TENM2: variants seen among roughly 807,000 people sequenced by gnomAD.
TENM2 encodes the protein teneurin-2.
TENM2 carries 52 observed loss-of-function variants against 245.2 expected under a neutral mutation model. The ratio of observed to expected loss-of-function variants is 0.21; its 90% CI spans 0.17 to 0.27. The LOEUF is 0.27. Among genes scored for constraint, TENM2 ranks in the 10% least tolerant of loss-of-function variants. TENM2 has a pLI of 1.00. For synonymous variants in TENM2, 1,363 were observed against 1,438.9 expected, an observed-to-expected ratio of 0.95 and a Z score of 1.19; for missense variants, 3,046 against 3,666.8, an observed-to-expected ratio of 0.83 and a Z score of 4.37.
intron 2 of TENM2, among the ~76,000 whole-genome samples, chr5:167,398,191 A>T (rs1056224360): frequency 3.3e-5 from 5 of 152,180 alleles, no homozygotes; most frequent in African/African-American, 1.2e-4. Flanking sequence ...TATAGTGCAG[A>T]AATTTTGGAG....
chr5:167,591,405 C>G (rs1013403593), intron 2 of TENM2, among the ~76,000 whole-genome samples: 4 of 152,158 alleles, frequency 2.6e-5, no homozygotes, highest in Non-Finnish European at 5.9e-5. Flanking sequence ...AATATATAAT[C>G]TATTACTCAA....
At chr5:167,950,220 G>A (rs556382051) in intron 3 of TENM2, among the ~76,000 whole-genome samples, 3 of 152,234 alleles carry the variant, frequency 2.0e-5, no homozygotes, top group African/African-American at 7.2e-5. Flanking sequence ...ACCCAGGTCG[G>A]TGCTTCTCTT....
intron 2 of TENM2, among the ~76,000 whole-genome samples, chr5:167,853,801 A>T (rs1382152127): frequency 6.6e-6 from 1 of 152,138 alleles, no homozygotes; most frequent in Admixed American, 6.6e-5. Flanking sequence ...TAAGTTTTAG[A>T]TTTTCCACTT....
chr5:167,370,210 C>T (rs892176968), intron 1 of TENM2, among the ~76,000 whole-genome samples: 12 of 151,626 alleles, frequency 7.9e-5, no homozygotes, highest in African/African-American at 2.4e-4. Context: ...GGTGTAGTGG[C>T]GGGTGCCTGT....
chr5:167,239,108 C>G, the TENM2 span, among the ~76,000 whole-genome samples: 1 of 152,194 alleles, frequency 6.6e-6, no homozygotes, highest in Admixed American at 6.5e-5. Flanking sequence ...CTTTAAAAAT[C>G]ACTACAGAAA....
chr5:167,003,900 A>G, the TENM2 span, among the ~76,000 whole-genome samples: 1 of 152,172 alleles, frequency 6.6e-6, no homozygotes, highest in African/African-American at 2.4e-5. Flanking sequence ...CTTCTTACTT[A>G]GAAAATATAC....
chr5:167,992,814 T>C (rs988130458), intron 4 of TENM2, 130 bp from the exon 7 acceptor site: 2 of 670,716 alleles, frequency 3.0e-6, no homozygotes, highest in South Asian at 1.9e-5. Context: ...TCGCCCCTTC[T>C]TCCACTCCAG....
At chr5:167,978,459 G>C (rs1782600411) in intron 4 of TENM2, among the ~76,000 whole-genome samples, 1 of 152,208 alleles carries the variant, frequency 6.6e-6, no homozygotes. Flanking sequence ...ATGAAGTGCT[G>C]ATACATGCTA....
At chr5:167,392,288 C>G (rs1018694968) in intron 2 of TENM2, among the ~76,000 whole-genome samples, 1 of 152,040 alleles carries the variant, frequency 6.6e-6, no homozygotes, top group Admixed American at 6.6e-5. Flanking sequence ...TTTGACTGGA[C>G]CGTAGGATGT....
In TENM2 at chr5:168,004,525, A is replaced by G. The variant is rs768263294; in HGVS notation, c.1186+11343A>G. On this transcript the variant is annotated intron_variant, in intron 5 of 28. Transcript: ENST00000518659. ...CACGCATGCGCGCGCGCGCACACACACACACACACACACACACACACACAC... is the reference window on the plus strand; with the variant it reads ...CACGCATGCGCGCGCGCGCACACACGCACACACACACACACACACACACAC... Among the ~76,000 whole-genome samples the G allele has an allele frequency of 4.3e-3, 574 of 134,242 alleles. 3 individuals carry two copies. Among genetic ancestry groups the G allele is most frequent in the Non-Finnish European group, 7.2e-3 (439 of 60,922 alleles). The allele number at this position is 134,242 out of a possible 152,430, so 88.1% of individuals were successfully genotyped here.
chr5:167,008,284 T>A, the TENM2 span, among the ~76,000 whole-genome samples: 25 of 152,334 alleles, frequency 1.6e-4, no homozygotes, highest in Admixed American at 1.1e-3. Flanking sequence ...TAGGGTAGAT[T>A]CTTTCTAACA....
chr5:167,387,101 A>T (rs1761477100), intron 2 of TENM2, among the ~76,000 whole-genome samples: 1 of 152,086 alleles, frequency 6.6e-6, no homozygotes, highest in African/African-American at 2.4e-5. Context: ...TTTCAGCAGT[A>T]TGGTCGTTTT....
At chr5:167,348,784 CAAAATG>C (rs929368607) in intron 1 of TENM2, among the ~76,000 whole-genome samples, 94 of 152,226 alleles carry the variant, frequency 6.2e-4, no homozygotes, top group African/African-American at 2.2e-3. Context: ...GCAATGGAGT[CAAAATG>C]AAAGTCATGC....
intron 28 of TENM2, among the ~76,000 whole-genome samples, 164 bp downstream of exon 30, chr5:168,260,577 G>C (rs575847415): frequency 4.4e-4 from 67 of 152,314 alleles, no homozygotes; most frequent in South Asian, 2.1e-4. Context: ...TGTCAGTGCT[G>C]TCGCCTGTCT....
At chr5:167,046,673 C>G in the TENM2 span, among the ~76,000 whole-genome samples, 1 of 151,898 alleles carries the variant, frequency 6.6e-6, no homozygotes, top group Non-Finnish European at 1.5e-5. Flanking sequence ...TTTTCTCTGT[C>G]CTTTCATTTC....
chr5:167,565,965 C>A (rs1297111237), intron 2 of TENM2, among the ~76,000 whole-genome samples: 1 of 151,930 alleles, frequency 6.6e-6, no homozygotes, highest in Admixed American at 6.6e-5. Context: ...TGTTTAAGCC[C>A]CTTATTATAG....
chr5:167,082,805 T>C, the TENM2 span, among the ~76,000 whole-genome samples: 2 of 152,174 alleles, frequency 1.3e-5, no homozygotes, highest in Middle Eastern at 3.2e-3. Flanking sequence ...TTACAATTAC[T>C]TTCTATTTAC....
At chr5:167,860,544 C>T (rs1408894328) in intron 2 of TENM2, among the ~76,000 whole-genome samples, 1 of 121,320 alleles carries the variant, frequency 8.2e-6, no homozygotes, top group Admixed American at 7.5e-5. Flanking sequence ...GGGAGGTGTG[C>T]CCAACAGCTC....
Position 167,375,294 on chromosome 5 carries a change from C to G in TENM2, c.323C>G (p.Ser108Cys). ...ATGGGGATCCTTCACCAGGGCTACT[C>G]CCTTAGCACAGGGTCTGACGCCGAC... is the stretch of plus-strand genomic sequence containing the variant. The change falls in exon 2 of 29, where the codon TCC becomes TGC. Residue 108 changes from serine (S) to cysteine (C), a missense_variant. Physicochemically the swap from Ser to Cys is moderately radical, Grantham distance 112 (BLOSUM62 -1). Transcript: ENST00000518659. 4 of 1,551,748 alleles carry G rather than the reference C, an allele frequency of 2.6e-6. No individual in the cohort carries two copies. The South Asian group carries it at 4.8e-5, about 18-fold the overall frequency.
Sources: allele counts gnomAD v4.1 joint callset (sites outside exome capture counted in the v4.1 genomes callset), GRCh38; gene constraint gnomAD v4.1.1; transcripts MANE v1.5; gene names NCBI Gene and HGNC (gene_info 2026-07-23, HGNC 2026-07-21).